The following SGCD variants were observed in gnomAD, a reference collection of about 807,000 sequenced individuals.
SGCD encodes delta-sarcoglycan.
In SGCD, 18 loss-of-function variants were observed where a neutral mutation model predicts 36.6. The observed-to-expected ratio is 0.49, with a 90% CI of 0.34 to 0.73. The LOEUF (loss-of-function observed/expected upper bound fraction) is 0.73, where lower values mean the gene tolerates loss of function less well. SGCD is among the 30% of genes least tolerant of loss of function. SGCD has a pLI of 0.01. For synonymous variants in SGCD, 133 were observed against 130.6 expected (o/e 1.02, Z -0.12); for missense variants, 387 against 346.7 (o/e 1.12, Z -0.92).
At chr5:155,731,216 A>G in the SGCD span, among the ~76,000 whole-genome samples, 1 of 152,072 alleles carries the variant, frequency 6.6e-6, no homozygotes, top group Non-Finnish European at 1.5e-5. Flanking sequence ...AGAAGACAAG[A>G]AAGTTACAGG....
intron 1 of SGCD, among the ~76,000 whole-genome samples, chr5:155,891,262 C>A (rs1486766590): frequency 6.6e-6 from 1 of 152,160 alleles, no homozygotes; most frequent in Non-Finnish European, 1.5e-5. Context: ...TTGTTCTGGT[C>A]AGCACTTACT....
the SGCD span, among the ~76,000 whole-genome samples, chr5:155,856,047 T>G: frequency 6.6e-6 from 1 of 152,144 alleles, no homozygotes; most frequent in African/African-American, 2.4e-5. Flanking sequence ...TGAATGAGAT[T>G]AATGACAGAT....
At chr5:156,246,045 A>G (rs1048292107) in intron 3 of SGCD, among the ~76,000 whole-genome samples, 1 of 152,142 alleles carries the variant, frequency 6.6e-6, no homozygotes, top group African/African-American at 2.4e-5. Flanking sequence ...CATATGATAC[A>G]TTTAAATGGT....
At chr5:156,281,547 TAATTCCTACTCC>T (rs1766453694) in intron 3 of SGCD, among the ~76,000 whole-genome samples, 1 of 152,188 alleles carries the variant, frequency 6.6e-6, no homozygotes, top group African/African-American at 2.4e-5. Context: ...TGCCAGGTGC[TAATTCCTACTCC>T]AGAGGAAGGG....
chr5:156,111,468 A>G (rs1423488153), intron 1 of SGCD, among the ~76,000 whole-genome samples: 1 of 152,218 alleles, frequency 6.6e-6, no homozygotes, highest in East Asian at 1.9e-4. Context: ...AGCTCTTTTC[A>G]TCTATAAGGT....
chr5:156,688,760 A>G (rs979276225), intron 7 of SGCD, among the ~76,000 whole-genome samples: 7 of 152,200 alleles, frequency 4.6e-5, no homozygotes, highest in African/African-American at 1.7e-4. Context: ...GATGGTATTC[A>G]GTGAGGAGAA....
At chr5:156,415,762 C>T (rs1561680740) in intron 3 of SGCD, among the ~76,000 whole-genome samples, 1 of 152,138 alleles carries the variant, frequency 6.6e-6, no homozygotes. Context: ...ATTTCTCCCA[C>T]CTGTTAACAT....
At position 156,624,398 on chromosome 5, in the gene SGCD, G is replaced by A. The variant is rs559496268; in HGVS notation, c.503-23066G>A. Among the ~76,000 whole-genome samples, 337 of 152,180 alleles carry A rather than the reference G, an allele frequency of 2.2e-3. 1 individual carries two copies. The highest frequency in any genetic ancestry group is 7.8e-3 in the African/African-American group (325 of 41,520). On this transcript the variant is annotated intron_variant, in intron 6 of 8. Transcript: ENST00000337851. ...AGATTGAGACCATCCTGACTAACAC[G>A]GTGAAAACTCATCTGTACTAAAAAT...
chr5:156,178,383 C>A (rs1273300117), intron 3 of SGCD, among the ~76,000 whole-genome samples: 1 of 152,146 alleles, frequency 6.6e-6, no homozygotes, highest in Non-Finnish European at 1.5e-5. Flanking sequence ...GTCAGTTAAT[C>A]ATGCATGCCA....
At chr5:155,899,511 CATTA>C (rs1336949281) in intron 1 of SGCD, among the ~76,000 whole-genome samples, 2 of 152,140 alleles carry the variant, frequency 1.3e-5, no homozygotes. Context: ...ATGTCATGCA[CATTA>C]ATTAACACTT....
intron 6 of SGCD, among the ~76,000 whole-genome samples, chr5:156,612,977 G>C (rs559325381): frequency 1.3e-5 from 2 of 152,198 alleles, no homozygotes; most frequent in Admixed American, 1.3e-4. Flanking sequence ...GACTACTGGG[G>C]GTATCCAGCT....
In SGCD at chr5:156,741,675, A is replaced by T. The variant is rs115286634; in HGVS notation, c.576-15906A>T. Among the ~76,000 whole-genome samples the T allele has an allele frequency of 2.2e-3, 340 of 152,284 alleles. 2 individuals are homozygous for T. The highest frequency in any genetic ancestry group is 8.0e-3 in the African/African-American group (331 of 41,560). On this transcript the variant is annotated intron_variant, in intron 7 of 8. Coordinates refer to ENST00000337851, the MANE Select transcript of SGCD (RefSeq NM_000337.6). ...GGGTAACAGAGGCTGGACACTTTGGAACTCTGGTCAGGGCTTTGCCTCGTG... is the reference window on the plus strand; with the variant it reads ...GGGTAACAGAGGCTGGACACTTTGGTACTCTGGTCAGGGCTTTGCCTCGTG...
At chr5:155,861,462 G>A in the SGCD span, among the ~76,000 whole-genome samples, 2 of 151,816 alleles carry the variant, frequency 1.3e-5, no homozygotes, top group African/African-American at 4.8e-5. Context: ...CAGTACTTTG[G>A]GAGGCCGAGG....
the SGCD span, among the ~76,000 whole-genome samples, chr5:155,791,510 C>G: frequency 6.6e-6 from 1 of 152,126 alleles, no homozygotes; most frequent in African/African-American, 2.4e-5. Context: ...ATAGAAAACC[C>G]TTAAGACTCT....
At chr5:155,971,320 T>G (rs1264659735) in intron 1 of SGCD, among the ~76,000 whole-genome samples, 1 of 152,114 alleles carries the variant, frequency 6.6e-6, no homozygotes, top group Non-Finnish European at 1.5e-5. Flanking sequence ...TAATCCATCT[T>G]TATCTGATTC....
At chr5:155,739,391 A>G in the SGCD span, among the ~76,000 whole-genome samples, 7,396 of 152,290 alleles carry the variant, frequency 0.049, 223 homozygotes, top group Middle Eastern at 0.075. Flanking sequence ...GGCTGAAAGC[A>G]GAGGAATACA....
intron 3 of SGCD, among the ~76,000 whole-genome samples, chr5:156,146,923 G>A (rs899064834): frequency 1.3e-5 from 2 of 152,244 alleles, no homozygotes; most frequent in Admixed American, 6.5e-5. Flanking sequence ...ATGACTTCTT[G>A]ATAGACTCTT....
the SGCD span, among the ~76,000 whole-genome samples, chr5:155,853,454 GT>G: frequency 6.6e-6 from 1 of 152,054 alleles, no homozygotes; most frequent in Non-Finnish European, 1.5e-5. Context: ...TTCTAACTCA[GT>G]TCTGATGCTA....
At chr5:156,489,284 T>C (rs1372482143) in intron 3 of SGCD, among the ~76,000 whole-genome samples, 2 of 152,082 alleles carry the variant, frequency 1.3e-5, no homozygotes, top group East Asian at 1.9e-4. Flanking sequence ...ACAGTAATAG[T>C]TGGGGACTTC....
Sources: gnomAD v4.1 joint callset for allele counts (sites outside exome capture counted in the v4.1 genomes callset) on GRCh38, gnomAD v4.1.1 for gene constraint, MANE v1.5 for transcripts, NCBI Gene and HGNC (gene_info 2026-07-23, HGNC 2026-07-21) for gene names.